PLCB4: variants seen among roughly 807,000 people sequenced by gnomAD.
The protein encoded by PLCB4 is 1-phosphatidylinositol 4,5-bisphosphate phosphodiesterase beta-4.
In PLCB4, 77 loss-of-function variants were observed where a neutral mutation model predicts 178.8. That is an observed-to-expected ratio of 0.43 (90% confidence interval 0.36 to 0.52). PLCB4 has a LOEUF of 0.52. PLCB4 is among the 20% of genes least tolerant of loss of function. PLCB4 has a pLI of 0.00. For missense variants in PLCB4, 1,024 were observed against 1,453.4 expected (o/e 0.70, Z 4.80); for synonymous variants, 496 against 490.8 (o/e 1.01, Z -0.14).
chr20:9,094,947 T>C (rs950512054), intron 1 of PLCB4, among the ~76,000 whole-genome samples: 1 of 152,136 alleles, frequency 6.6e-6, no homozygotes, highest in Non-Finnish European at 1.5e-5. Flanking sequence ...CACTATACTA[T>C]ATTGGCAGTG....
At chr20:9,305,511 G>A (rs1336042115) in intron 3 of PLCB4, among the ~76,000 whole-genome samples, 1 of 151,828 alleles carries the variant, frequency 6.6e-6, no homozygotes, top group African/African-American at 2.4e-5. Flanking sequence ...ATTTGGGTTG[G>A]CTAATTTTTA....
intron 9 of PLCB4, among the ~76,000 whole-genome samples, chr20:9,367,497 TGA>T (rs1432474170): frequency 6.6e-6 from 1 of 152,214 alleles, no homozygotes; most frequent in East Asian, 1.9e-4. Context: ...TTTGCTCAGT[TGA>T]GTAATAGCAG....
intron 2 of PLCB4, among the ~76,000 whole-genome samples, chr20:9,156,001 T>C (rs1310933481): frequency 6.6e-6 from 1 of 152,206 alleles, no homozygotes; most frequent in Non-Finnish European, 1.5e-5. Flanking sequence ...CTTCTCTTTA[T>C]AGGTCAATAT....
chr20:9,158,109 C>T (rs1022786825), intron 2 of PLCB4, among the ~76,000 whole-genome samples: 4 of 152,138 alleles, frequency 2.6e-5, no homozygotes, highest in African/African-American at 9.7e-5. Context: ...CCCAAAGTCA[C>T]ACGGCAAGGA....
intron 2 of PLCB4, among the ~76,000 whole-genome samples, chr20:9,141,749 A>C (rs1485100392): frequency 6.6e-6 from 1 of 152,120 alleles, no homozygotes; most frequent in Non-Finnish European, 1.5e-5. Context: ...CAATCAGATA[A>C]GAAGGGAATA....
chr20:9,330,062 C>T (rs952176097), intron 4 of PLCB4, among the ~76,000 whole-genome samples: 8 of 152,156 alleles, frequency 5.3e-5, no homozygotes, highest in African/African-American at 1.9e-4. Flanking sequence ...CACAAAGGAT[C>T]TGCTAGGTAT....
Position 9,439,868 on chromosome 20 carries a change from G to A in PLCB4, c.2764+2716G>A, listed in dbSNP as rs922579653. ...CACTGTAACAGTTGGCTATTGATGT[G>A]TAACAAGCAATCACAAAAGTCAGTA... On this transcript the variant is annotated intron_variant, in intron 30 of 39. Transcript: ENST00000378473. Among the ~76,000 whole-genome samples, 10 of 152,234 alleles carry A rather than the reference G, an allele frequency of 6.6e-5. No individual in the cohort carries two copies. The East Asian group carries it at 1.7e-3, about 26-fold the overall frequency.
At chr20:9,187,052 G>A (rs556071086) in intron 2 of PLCB4, among the ~76,000 whole-genome samples, 1 of 152,166 alleles carries the variant, frequency 6.6e-6, no homozygotes, top group South Asian at 2.1e-4. Context: ...TCAGCTTACT[G>A]CAAACTTCAC....
At chr20:9,384,453 C>A in intron 14 of PLCB4, 42 bp downstream of exon 14, 1 of 1,323,540 alleles carries the variant, frequency 7.6e-7, no homozygotes, top group Non-Finnish European at 1.1e-6. Context: ...GTGTGTGATG[C>A]CCTTCAGTTT....
chr20:9,185,187 G>A (rs2093312436), intron 2 of PLCB4, among the ~76,000 whole-genome samples: 1 of 152,166 alleles, frequency 6.6e-6, no homozygotes, highest in Admixed American at 6.5e-5. Context: ...ATAGGTGAGA[G>A]CTACCACGCC....
At position 9,075,678 on chromosome 20, in the gene PLCB4, T is replaced by C. The variant is rs183956268; in HGVS notation, c.-135+6472T>C. Among the ~76,000 whole-genome samples, 55 of 152,350 alleles carry C rather than the reference T, an allele frequency of 3.6e-4. 1 individual carries two copies. The highest frequency in any genetic ancestry group is 2.4e-3 in the Admixed American group (37 of 15,310). ...CCATCCAGGGGCCCAATTGTGCCCC[T>C]TCCCATGGAGCAGCTACCACTCGGG... On this transcript the variant is annotated intron_variant, in intron 1 of 39. Transcript: ENST00000378473.
chr20:9,362,716 G>A (rs554895807), intron 7 of PLCB4, among the ~76,000 whole-genome samples, 180 bp from the exon 8 acceptor site: 3 of 152,186 alleles, frequency 2.0e-5, no homozygotes, highest in Non-Finnish European at 2.9e-5. Context: ...AAGAATGAAA[G>A]CTGTTTATTA....
chr20:9,362,118 A>G (rs550577025), intron 7 of PLCB4, among the ~76,000 whole-genome samples: 1 of 152,266 alleles, frequency 6.6e-6, no homozygotes, highest in South Asian at 2.1e-4. Flanking sequence ...CCAAATGTCA[A>G]TTTGCTACGA....
At chr20:9,089,738 C>T (rs6077488) in intron 1 of PLCB4, among the ~76,000 whole-genome samples, 75,243 of 151,918 alleles carry the variant, frequency 0.5, 19,040 homozygotes, top group Middle Eastern at 0.57. Flanking sequence ...CCTTTGTCAG[C>T]TGTTAGGAAT....
chr20:9,132,748 G>A (rs997915173), intron 2 of PLCB4, among the ~76,000 whole-genome samples: 7 of 152,148 alleles, frequency 4.6e-5, no homozygotes, highest in African/African-American at 9.6e-5. Flanking sequence ...TTTTCTAAAC[G>A]GCAAATTTCT....
intron 2 of PLCB4, among the ~76,000 whole-genome samples, chr20:9,153,688 A>T (rs1270914494): frequency 1.3e-5 from 2 of 152,214 alleles, no homozygotes; most frequent in Admixed American, 6.5e-5. Context: ...CCACAAGGGA[A>T]AGTCAAAGTG....
intron 7 of PLCB4, among the ~76,000 whole-genome samples, chr20:9,342,133 C>T (rs1352613054): frequency 1.3e-5 from 2 of 152,060 alleles, no homozygotes; most frequent in African/African-American, 2.4e-5. Flanking sequence ...CCATATTTAC[C>T]ACCTTCAGCA....
At chr20:9,213,486 AT>A (rs1568959780) in intron 2 of PLCB4, among the ~76,000 whole-genome samples, 1 of 152,126 alleles carries the variant, frequency 6.6e-6, no homozygotes, top group Non-Finnish European at 1.5e-5. Flanking sequence ...AGTCATGTGT[AT>A]CTGTGTTGCA....
chr20:9,109,188 C>T (rs973153015), intron 2 of PLCB4, among the ~76,000 whole-genome samples: 1 of 152,100 alleles, frequency 6.6e-6, no homozygotes, highest in African/African-American at 2.4e-5. Flanking sequence ...AAGTATTGAA[C>T]ATTTATAAAA....
Sources: allele counts gnomAD v4.1 joint callset (sites outside exome capture counted in the v4.1 genomes callset), GRCh38; gene constraint gnomAD v4.1.1; transcripts MANE v1.5; gene names NCBI Gene and HGNC (gene_info 2026-07-23, HGNC 2026-07-21).